Variants in ZNF626 observed in about 807,000 individuals in gnomAD.
ZNF626 encodes the protein zinc finger protein 626.
In ZNF626, 4 loss-of-function variants were observed where a neutral mutation model predicts 11.7. That is an observed-to-expected ratio of 0.34 (90% CI 0.17 to 0.78). ZNF626 has a LOEUF of 0.78. Among genes scored for constraint, ZNF626 ranks in the 30% least tolerant of loss-of-function variants. The pLI is 0.57. For missense variants in ZNF626, 588 were observed against 587.1 expected (o/e 1.00, Z -0.01); for synonymous variants, 179 against 198.6 (o/e 0.90, Z 0.83).
chr19:20,635,825 T>G (rs377619877), intron 3 of ZNF626, among the ~76,000 whole-genome samples: 63 of 152,236 alleles, frequency 4.1e-4, no homozygotes, highest in African/African-American at 1.3e-3. Flanking sequence ...ACTACTCACC[T>G]AGACAGGATT....
intron 1 of ZNF626, among the ~76,000 whole-genome samples, chr19:20,660,559 T>C (rs1970255024): frequency 6.6e-6 from 1 of 152,142 alleles, no homozygotes; most frequent in Non-Finnish European, 1.5e-5. Context: ...CCCAAGTGGC[T>C]GGTACTACAG....
chr19:20,655,017 T>C lies in ZNF626; in HGVS notation c.3+6427A>G, dbSNP rs1970189568. Among the ~76,000 whole-genome samples the C allele has an allele frequency of 6.6e-5, 10 of 151,444 alleles. No individual in the cohort carries two copies. The South Asian group carries it at 2.1e-3, about 31-fold the overall frequency. On this transcript the variant is annotated intron_variant, in intron 1 of 3. Transcript: ENST00000601440. ...AACCCAGCTACTCAGGGTACTGAGG[T>C]AGGAGAATCACTTCAACCTGGGAGG...
At chr19:20,660,646 A>G (rs1269596313) in intron 1 of ZNF626, among the ~76,000 whole-genome samples, 2 of 151,916 alleles carry the variant, frequency 1.3e-5, no homozygotes, top group African/African-American at 4.8e-5. Context: ...CTGGTCTAGA[A>G]CTCCTGACCA....
At chr19:20,629,798 A>G (rs1969882423) in intron 3 of ZNF626, among the ~76,000 whole-genome samples, 1 of 152,184 alleles carries the variant, frequency 6.6e-6, no homozygotes, top group Non-Finnish European at 1.5e-5. Flanking sequence ...TGCCCTGGCC[A>G]GAACTTCCAA....
intron 3 of ZNF626, among the ~76,000 whole-genome samples, chr19:20,643,010 CAA>C (rs11289893): frequency 0.24 from 25,945 of 109,180 alleles, 2,635 homozygotes; most frequent in East Asian, 0.51. Context: ...AACTCCTTCT[CAA>C]AAAAAAAAAA....
intron 3 of ZNF626, among the ~76,000 whole-genome samples, chr19:20,627,205 C>T (rs1191401960): frequency 6.6e-6 from 1 of 151,806 alleles, no homozygotes; most frequent in Non-Finnish European, 1.5e-5. Flanking sequence ...CATGAAAAAG[C>T]TGAAGAAACA....
rs149785426 is a variant in ZNF626 at position 20,645,765 on chromosome 19, T to G, written c.145A>C (p.Lys49Gln). The part of the protein sequence containing the change: ...NLVFLGITVS[K>Q]PDLITCLEQG... Reference sequence around the variant, plus strand: ...TCCAGACAGGTGATCAGGTCTGGCTTAGAAACAGTAATACCTGTTTTATTA... The same window carrying G: ...TCCAGACAGGTGATCAGGTCTGGCTGAGAAACAGTAATACCTGTTTTATTA... Residue 49 changes from lysine to glutamine, a missense_variant, in exon 3 of 4, where the codon AAG (lysine) becomes CAG (glutamine). Lys to Gln is a moderately conservative substitution (Grantham distance 53). Around this residue, in one of 4 missense-constraint regions of ZNF626, gnomAD observed 524 missense variants for 470.1 expected, o/e 1.11. Transcript: ENST00000601440. The G allele has an allele frequency of 7.5e-6, 12 of 1,605,608 alleles. No homozygotes were observed. The highest frequency in any genetic ancestry group is 1.0e-5 in the Non-Finnish European group (12 of 1,177,790).
intron 3 of ZNF626, among the ~76,000 whole-genome samples, chr19:20,641,736 T>A (rs1478830973): frequency 6.6e-6 from 1 of 150,488 alleles, no homozygotes; most frequent in African/African-American, 2.5e-5. Flanking sequence ...TTTTTTTTTT[T>A]ATAGAAAGGG....
At chr19:20,632,479 GT>G (rs781953512) in intron 3 of ZNF626, among the ~76,000 whole-genome samples, 21 of 152,242 alleles carry the variant, frequency 1.4e-4, no homozygotes, top group Non-Finnish European at 2.2e-4. Flanking sequence ...TGGAGGCTTT[GT>G]TCGTTTCTTT....
At chr19:20,629,497 C>A (rs10419579) in intron 3 of ZNF626, among the ~76,000 whole-genome samples, 65,276 of 150,788 alleles carry the variant, frequency 0.43, 14,196 homozygotes, top group African/African-American at 0.61. Context: ...AGGTCCTTCA[C>A]ATCCCTTGTA....
intron 2 of ZNF626, 23 bp from the exon 3 acceptor site, chr19:20,645,802 C>T: frequency 6.3e-7 from 1 of 1,581,742 alleles, no homozygotes; most frequent in Non-Finnish European, 8.6e-7. Context: ...AAATAAATAA[C>T]ATAAATCTTG....
At chr19:20,637,013 C>A (rs1969972661) in intron 3 of ZNF626, among the ~76,000 whole-genome samples, 1 of 92,184 alleles carries the variant, frequency 1.1e-5, no homozygotes. Context: ...AGAAAGACTC[C>A]ATCTCAAAAA....
intron 3 of ZNF626, among the ~76,000 whole-genome samples, chr19:20,644,068 T>C (rs1970050072): frequency 6.6e-6 from 1 of 152,192 alleles, no homozygotes; most frequent in Non-Finnish European, 1.5e-5. Context: ...GGTCCTGCTA[T>C]TCCAGAGACC....
At chr19:20,633,599 G>C (rs1214969582) in intron 3 of ZNF626, among the ~76,000 whole-genome samples, 1 of 152,214 alleles carries the variant, frequency 6.6e-6, no homozygotes, top group Admixed American at 6.5e-5. Context: ...CTGGGTGAGG[G>C]ATATAATATC....
chr19:20,628,242 A>G (rs1555770013), intron 3 of ZNF626, among the ~76,000 whole-genome samples: 2 of 152,324 alleles, frequency 1.3e-5, no homozygotes, highest in South Asian at 2.1e-4. Flanking sequence ...ATAAACATAC[A>G]TGTCCATGTG....
intron 3 of ZNF626, among the ~76,000 whole-genome samples, chr19:20,632,596 T>C (rs1969918796): frequency 6.6e-6 from 1 of 152,252 alleles, no homozygotes; most frequent in Non-Finnish European, 1.5e-5. Context: ...CAGAGGCTTC[T>C]GCATTCGTCA....
chr19:20,646,396 G>T lies in ZNF626; in HGVS notation c.13C>A (p.Gln5Lys). 9 of 1,613,904 alleles carry T rather than the reference G, an allele frequency of 5.6e-6. No individual in the cohort carries two copies. Among genetic ancestry groups the T allele is most frequent in the Non-Finnish European group, 7.6e-6 (9 of 1,179,944 alleles). Residue 5 changes from glutamine (Q) to lysine (K), a missense_variant, in exon 2 of 4, where the codon CAA becomes AAA. This residue lies in a region of ZNF626 where 524 missense variants were observed against 470.1 expected (regional missense o/e 1.11). Transcript: ENST00000601440. ...AATTCTATGGCCACATCTCTAAATT[G>T]CAATGGTCCCTGAAAAACACACACA... MGPL[Q>K]FRDVAIEFSL...
intron 1 of ZNF626, among the ~76,000 whole-genome samples, chr19:20,649,702 A>T (rs1555772343): frequency 6.6e-6 from 1 of 152,214 alleles, no homozygotes; most frequent in Non-Finnish European, 1.5e-5. Flanking sequence ...TCAAGCTTTA[A>T]TGAGCTTATA....
At position 20,654,345 on chromosome 19, in the gene ZNF626, A is replaced by T. The variant is rs187320428; in HGVS notation, c.3+7099T>A. On this transcript the variant is annotated intron_variant, in intron 1 of 3. Coordinates refer to ENST00000601440, the MANE Select transcript of ZNF626 (RefSeq NM_001076675.3). ...GTACTACCAGCTACTTGGGAGGCTG[A>T]GGCAGGAGAATTGCTTGAACCTCGG... 2.0e-5 allele frequency among the ~76,000 whole-genome samples: 3 copies of T among 152,266 alleles called. No homozygotes were observed. The East Asian group carries it at 5.8e-4, about 29-fold the overall frequency.
Sources: allele counts gnomAD v4.1 joint callset (sites outside exome capture counted in the v4.1 genomes callset), GRCh38; gene constraint gnomAD v4.1.1; regional missense constraint gnomAD v4.1.1; transcripts MANE v1.5; gene names NCBI Gene and HGNC (gene_info 2026-07-23, HGNC 2026-07-21).